The following N4BP2L2 variants were observed in gnomAD, a reference collection of about 807,000 sequenced individuals.
N4BP2L2 encodes NEDD4 binding protein 2 like 2, also known as NEDD4-binding protein 2-like 2.
Under a neutral mutation model 56.2 loss-of-function variants are expected in N4BP2L2, and 50 were observed. That is an observed-to-expected ratio of 0.89 (90% confidence interval 0.71 to 1.13). The LOEUF is 1.13. Among genes scored for constraint, N4BP2L2 ranks in the 50% most tolerant of loss-of-function variants. The pLI, the probability that N4BP2L2 is intolerant of heterozygous loss-of-function variation, is 0.00. For synonymous variants in N4BP2L2, 203 were observed against 223.6 expected (o/e 0.91, Z 0.82); for missense variants, 689 against 693.8 (o/e 0.99, Z 0.08).
chr13:32,515,392 G>C (rs771671616), exon 6 of N4BP2L2: 1 of 152,096 alleles, frequency 6.6e-6, no homozygotes, highest in Non-Finnish European at 1.5e-5. Context: ...AGCAAGCTAT[G>C]ATCACGCCAC....
chr13:32,525,407 T>C (rs1203614869), intron 3 of N4BP2L2: 1 of 152,236 alleles, frequency 6.6e-6, no homozygotes, highest in Non-Finnish European at 1.5e-5. Flanking sequence ...CTTGTGAAAC[T>C]ATAAATTGTA....
chr13:32,497,952 A>T (rs2089131779), intron 6 of N4BP2L2, among the ~76,000 whole-genome samples: 2 of 150,012 alleles, frequency 1.3e-5, no homozygotes, highest in Admixed American at 6.7e-5. Flanking sequence ...GAGAATAAGT[A>T]AAAAAAAAAA....
At chr13:32,512,198 G>C (rs550934696) in exon 6 of N4BP2L2, 1 of 152,106 alleles carries the variant, frequency 6.6e-6, no homozygotes, top group African/African-American at 2.4e-5. Context: ...AAAACTGAGA[G>C]GCAAACCCAA....
intron 6 of N4BP2L2, among the ~76,000 whole-genome samples, chr13:32,451,882 T>A (rs746660301): frequency 6.6e-6 from 1 of 152,018 alleles, no homozygotes; most frequent in Non-Finnish European, 1.5e-5. Flanking sequence ...TGGGTAGTCC[T>A]AGAATGGTAA....
intron 6 of N4BP2L2, among the ~76,000 whole-genome samples, chr13:32,447,445 T>C (rs935781849): frequency 1.3e-5 from 2 of 152,172 alleles, no homozygotes; most frequent in Non-Finnish European, 2.9e-5. Flanking sequence ...GATCACATTC[T>C]GGATACTGTT....
chr13:32,510,943 ATTTCTT>A, exon 6 of N4BP2L2: 1 of 152,228 alleles, frequency 6.6e-6, no homozygotes, highest in Non-Finnish European at 1.5e-5. Flanking sequence ...CTTCACTGGA[ATTTCTT>A]TTTAACCTTG....
intron 6 of N4BP2L2, among the ~76,000 whole-genome samples, chr13:32,458,189 C>T (rs1279461301): frequency 2.0e-5 from 3 of 152,116 alleles, no homozygotes; most frequent in South Asian, 2.1e-4. Context: ...CTCAGTCTCC[C>T]GAGTAGCTGG....
At chr13:32,453,437 G>GA (rs555343057) in intron 6 of N4BP2L2, among the ~76,000 whole-genome samples, 4,274 of 142,140 alleles carry the variant, frequency 0.03, 88 homozygotes, top group East Asian at 0.091. Flanking sequence ...TTAATCAAGA[G>GA]AAAAAAAAAA....
chr13:32,464,715 T>G (rs1401112657), intron 6 of N4BP2L2, among the ~76,000 whole-genome samples: 1 of 152,156 alleles, frequency 6.6e-6, no homozygotes, highest in Non-Finnish European at 1.5e-5. Context: ...TTACTAGATA[T>G]AGACTACTGA....
At chr13:32,525,744 C>A (rs1321178264) in intron 3 of N4BP2L2, among the ~76,000 whole-genome samples, 1 of 152,124 alleles carries the variant, frequency 6.6e-6, no homozygotes, top group Non-Finnish European at 1.5e-5. Context: ...TACTATTTTT[C>A]TTGTATATAT....
intron 6 of N4BP2L2, chr13:32,446,664 G>T: frequency 2.8e-6 from 1 of 359,190 alleles, no homozygotes; most frequent in Non-Finnish European, 3.9e-6. Flanking sequence ...AAGAAAGAGA[G>T]CCCTAATCTA....
intron 6 of N4BP2L2, among the ~76,000 whole-genome samples, chr13:32,489,089 C>G (rs1227997920): frequency 6.6e-6 from 1 of 152,166 alleles, no homozygotes; most frequent in Non-Finnish European, 1.5e-5. Flanking sequence ...AACAAACAAA[C>G]AAACATATTC....
intron 6 of N4BP2L2, among the ~76,000 whole-genome samples, chr13:32,494,560 G>C (rs1029144223): frequency 6.6e-6 from 1 of 151,978 alleles, no homozygotes; most frequent in South Asian, 2.1e-4. Context: ...TCAGGAGATC[G>C]AGACCATCCT....
chr13:32,444,566 A>G (rs562776783), intron 6 of N4BP2L2, among the ~76,000 whole-genome samples: 1 of 152,258 alleles, frequency 6.6e-6, no homozygotes, highest in East Asian at 1.9e-4. Flanking sequence ...TGCGCTGGCC[A>G]TACTTTGTAC....
At position 32,481,504 on chromosome 13, in the gene N4BP2L2, T is replaced by C. The variant is rs539945497; in HGVS notation, c.365+36353A>G. 1.8e-4 allele frequency among the ~76,000 whole-genome samples: 27 copies of C among 152,336 alleles called. 1 individual carries two copies. The South Asian group carries it at 3.5e-3, about 20-fold the overall frequency. On this transcript the variant is annotated intron_variant, in intron 6 of 9. Transcript: ENST00000357505. ...CTGATTACCAGTATTCACTTACAGA[T>C]ACTCAAGACTTCAGAGGATCTTTGA...
intron 2 of N4BP2L2, among the ~76,000 whole-genome samples, chr13:32,534,913 T>G (rs1215159388): frequency 1.3e-5 from 2 of 152,160 alleles, no homozygotes; most frequent in Non-Finnish European, 2.9e-5. Context: ...CATATTCAAG[T>G]GCATCAATAG....
intron 6 of N4BP2L2, among the ~76,000 whole-genome samples, chr13:32,493,158 C>T (rs1371153060): frequency 6.6e-6 from 1 of 151,958 alleles, no homozygotes; most frequent in Non-Finnish European, 1.5e-5. Context: ...CTCCTGACCT[C>T]AGGTGATCCA....
chr13:32,469,628 G>A (rs1159126584), intron 6 of N4BP2L2, among the ~76,000 whole-genome samples: 1 of 152,186 alleles, frequency 6.6e-6, no homozygotes, highest in African/African-American at 2.4e-5. Flanking sequence ...GGCAGCGTCT[G>A]GGGGGTCCCC....
At chr13:32,471,437 C>T (rs1382420622) in intron 6 of N4BP2L2, among the ~76,000 whole-genome samples, 1 of 152,208 alleles carries the variant, frequency 6.6e-6, no homozygotes, top group African/African-American at 2.4e-5. Flanking sequence ...TCATACTGGG[C>T]TCGGAGCCAG....
Sources: allele counts gnomAD v4.1 joint callset (sites outside exome capture counted in the v4.1 genomes callset), GRCh38; gene constraint gnomAD v4.1.1; transcripts MANE v1.5; gene names NCBI Gene and HGNC (gene_info 2026-07-23, HGNC 2026-07-21).